The following ZNF385D variants were observed in gnomAD, a reference collection of about 807,000 sequenced individuals.
ZNF385D encodes zinc finger protein 659.
Under a neutral mutation model 35.8 loss-of-function variants are expected in ZNF385D, and 15 were observed. The observed-to-expected ratio is 0.42, with a 90% CI of 0.28 to 0.64. ZNF385D has a LOEUF of 0.64. ZNF385D is among the 30% of genes least tolerant of loss of function. The pLI is 0.23. For synonymous variants in ZNF385D, 212 were observed against 186.8 expected (o/e 1.13, Z -1.10); for missense variants, 474 against 494.6 (o/e 0.96, Z 0.39).
chr3:22,138,094 G>A (rs1170904294), intron 3 of ZNF385D, among the ~76,000 whole-genome samples: 1 of 151,946 alleles, frequency 6.6e-6, no homozygotes, highest in Non-Finnish European at 1.5e-5. Flanking sequence ...AAATACCTAG[G>A]AATCCACCTT....
At chr3:22,074,705 T>A (rs960215663) in intron 3 of ZNF385D, among the ~76,000 whole-genome samples, 1 of 151,960 alleles carries the variant, frequency 6.6e-6, no homozygotes, top group East Asian at 1.9e-4. Flanking sequence ...TAACCTCACA[T>A]ATACATCATT....
chr3:21,421,020 G>A lies in ZNF385D; in HGVS notation c.*194C>T, dbSNP rs1700708576. On this transcript the variant is annotated 3_prime_UTR_variant, in exon 8 of 8. Transcript: ENST00000281523. ...GCGTTCAAGAGGAATGCTTTAATTTGGAGAAAATACCACTCCCTCCCTCCC... is the reference window on the plus strand; with the variant it reads ...GCGTTCAAGAGGAATGCTTTAATTTAGAGAAAATACCACTCCCTCCCTCCC... The A allele has an allele frequency of 4.0e-6, 2 of 502,858 alleles. No homozygotes were observed. The highest frequency in any genetic ancestry group is 5.0e-5 in the South Asian group (2 of 39,806). The allele number at this position is 502,858 out of a possible 1,614,324, so 31.1% of individuals were successfully genotyped here.
intron 3 of ZNF385D, among the ~76,000 whole-genome samples, chr3:21,779,725 A>G (rs2071419972): frequency 6.6e-6 from 1 of 151,994 alleles, no homozygotes; most frequent in South Asian, 2.1e-4. Context: ...CTATGACAAA[A>G]GAATAAGGAG....
intron 3 of ZNF385D, among the ~76,000 whole-genome samples, chr3:21,885,785 AAG>A (rs1266035623): frequency 8.0e-6 from 1 of 124,576 alleles, no homozygotes. Context: ...TGTAGAAAGA[AAG>A]AGAGACCGAT....
chr3:22,356,805 T>C (rs866630680), intron 2 of ZNF385D, among the ~76,000 whole-genome samples: 5 of 151,876 alleles, frequency 3.3e-5, no homozygotes, highest in Admixed American at 6.6e-5. Context: ...GATAGATAGA[T>C]AGCTCTGAAC....
At chr3:22,287,902 T>C (rs555236751) in intron 2 of ZNF385D, among the ~76,000 whole-genome samples, 1 of 152,198 alleles carries the variant, frequency 6.6e-6, no homozygotes, top group Admixed American at 6.5e-5. Context: ...TTCATTCAGC[T>C]TGTAAAAATT....
At chr3:22,067,033 C>T (rs999834417) in intron 3 of ZNF385D, among the ~76,000 whole-genome samples, 10 of 152,140 alleles carry the variant, frequency 6.6e-5, no homozygotes, top group Admixed American at 2.0e-4. Context: ...TATAAAGAAG[C>T]GATCTTCTCT....
At position 21,547,817 on chromosome 3, in the gene ZNF385D, A is replaced by G. The variant is rs557687523; in HGVS notation, c.276+16757T>C. 2.0e-5 allele frequency among the ~76,000 whole-genome samples: 3 copies of G among 151,942 alleles called. No individual in the cohort carries two copies. The East Asian group carries it at 5.9e-4, about 30-fold the overall frequency. On this transcript the variant is annotated intron_variant, in intron 3 of 7. Transcript: ENST00000281523. ...TTTTTAGTAGAAACGGGGCTTCTCC[A>G]TATTGGTCAGGCTGGTCTTCTGACC...
At chr3:22,086,503 G>T (rs989760986) in intron 3 of ZNF385D, among the ~76,000 whole-genome samples, 2 of 152,112 alleles carry the variant, frequency 1.3e-5, no homozygotes, top group Non-Finnish European at 2.9e-5. Flanking sequence ...GGATGTGAAG[G>T]ACCTCTTCAA....
chr3:21,680,563 T>TTAACTAATA (rs1455164467), intron 1 of ZNF385D, among the ~76,000 whole-genome samples: 1 of 152,184 alleles, frequency 6.6e-6, no homozygotes, highest in Admixed American at 6.6e-5. Flanking sequence ...CATGTGATGT[T>TTAACTAATA]TAACTAATAA....
At chr3:21,818,189 G>C (rs1408967793) in intron 3 of ZNF385D, among the ~76,000 whole-genome samples, 2 of 152,042 alleles carry the variant, frequency 1.3e-5, no homozygotes, top group African/African-American at 2.4e-5. Context: ...GATGGGGGTG[G>C]GGATGGGGGA....
chr3:21,653,105 G>C (rs1452681832), intron 2 of ZNF385D, among the ~76,000 whole-genome samples: 1 of 151,768 alleles, frequency 6.6e-6, no homozygotes, highest in African/African-American at 2.4e-5. Flanking sequence ...CTTTCTCACT[G>C]GCATGTGATT....
At chr3:22,370,036 A>G (rs796578327) in intron 2 of ZNF385D, among the ~76,000 whole-genome samples, 86 of 152,362 alleles carry the variant, frequency 5.6e-4, no homozygotes, top group African/African-American at 2.0e-3. Context: ...TTGAATTGCA[A>G]ACATTTTCAT....
At chr3:21,995,991 G>A (rs916303559) in intron 3 of ZNF385D, among the ~76,000 whole-genome samples, 26 of 152,080 alleles carry the variant, frequency 1.7e-4, no homozygotes, top group Admixed American at 9.8e-4. Flanking sequence ...AGCTGACATC[G>A]TGATCCTGCA....
intron 2 of ZNF385D, among the ~76,000 whole-genome samples, chr3:22,356,601 G>T (rs1390045501): frequency 1.3e-5 from 2 of 151,972 alleles, no homozygotes; most frequent in African/African-American, 4.8e-5. Context: ...GAAATATAAA[G>T]ATGTGGTTGC....
At chr3:21,848,186 T>A (rs190654880) in intron 3 of ZNF385D, among the ~76,000 whole-genome samples, 2,544 of 152,070 alleles carry the variant, frequency 0.017, 24 homozygotes, top group African/African-American at 0.02. Flanking sequence ...TCCTTTTTTT[T>A]AAAAAAGGAC....
chr3:21,593,765 G>A lies in ZNF385D; in HGVS notation c.166-29081C>T, dbSNP rs199886857. 3.3e-5 allele frequency among the ~76,000 whole-genome samples: 5 copies of A among 151,684 alleles called. No individual in the cohort carries two copies. In the East Asian group the frequency reaches 7.8e-4, roughly 24 times the overall value. On this transcript the variant is annotated intron_variant, in intron 2 of 7. Coordinates refer to ENST00000281523, the MANE Select transcript of ZNF385D (RefSeq NM_024697.3). The stretch of plus-strand genomic sequence containing the variant: ...GAAAGAAAATGTAATCTGAAACCAT[G>A]GCAATAAAAAGAGGTTAAAAAAAAA...
chr3:21,926,556 C>G (rs181879489), intron 3 of ZNF385D, among the ~76,000 whole-genome samples: 1 of 152,076 alleles, frequency 6.6e-6, no homozygotes, highest in Non-Finnish European at 1.5e-5. Flanking sequence ...TGGGTTGGTT[C>G]CAAGTCTTTG....
chr3:21,811,785 G>T (rs994704168), intron 3 of ZNF385D, among the ~76,000 whole-genome samples: 6 of 152,142 alleles, frequency 3.9e-5, no homozygotes, highest in African/African-American at 1.4e-4. Flanking sequence ...GCACCATTTT[G>T]CAAGCCCTAA....
Sources: allele counts gnomAD v4.1 joint callset (sites outside exome capture counted in the v4.1 genomes callset), GRCh38; gene constraint gnomAD v4.1.1; transcripts MANE v1.5; gene names NCBI Gene and HGNC (gene_info 2026-07-23, HGNC 2026-07-21).